Variants in ATP8B2 observed in about 807,000 individuals in gnomAD.
ATP8B2 encodes ATPase phospholipid transporting 8B2.
Under a neutral mutation model 133.4 loss-of-function variants are expected in ATP8B2, and 70 were observed. The observed-to-expected ratio is 0.52, with a 90% CI of 0.43 to 0.64. The LOEUF (loss-of-function observed/expected upper bound fraction) is 0.64, where lower values mean the gene tolerates loss of function less well. ATP8B2 is among the 30% of genes least tolerant of loss of function. The pLI is 0.00. For synonymous variants in ATP8B2, 517 were observed against 589.5 expected (o/e 0.88, Z 1.78); for missense variants, 1,101 against 1,535.7 (o/e 0.72, Z 4.73).
chr1:154,343,508 A>G lies in ATP8B2; in HGVS notation c.1698A>G (p.Leu566=), dbSNP rs1686456366. ...ACTGCAAAGGGGCTGACACTATCCT[A>G]CTGGACAGACTGCACCACTCCACTC... is the stretch of plus-strand genomic sequence containing the variant. ...RLYCKGADTI[L]LDRLHHSTQE... is the part of the protein sequence containing the mutation. The change falls in exon 17 of 28, where the codon CTA becomes CTG. Residue 566 remains leucine (L), a synonymous_variant. Transcript: ENST00000368489. This position sits in a 1 kb window ranked among gnomAD's most constrained non-coding sequence, Gnocchi z 5.8. 6.2e-7 allele frequency: 1 copy of G among 1,613,984 alleles called. No individual in the cohort carries two copies. Among genetic ancestry groups the G allele is most frequent in the Non-Finnish European group, 8.5e-7 (1 of 1,180,002 alleles).
intron 13 of ATP8B2, among the ~76,000 whole-genome samples, chr1:154,342,208 G>C (rs913864512): frequency 6.6e-6 from 1 of 152,000 alleles, no homozygotes; most frequent in Admixed American, 6.6e-5. Context: ...TGCCCTGAGG[G>C]GGGTGCCGCC....
At chr1:154,338,167 G>A (rs987582264) in intron 12 of ATP8B2, among the ~76,000 whole-genome samples, 20 of 152,302 alleles carry the variant, frequency 1.3e-4, no homozygotes, top group African/African-American at 4.1e-4. Flanking sequence ...TGGTGACTGG[G>A]CTGGATGAAG....
Position 154,350,899 on chromosome 1 carries a change from C to T in ATP8B2, c.*1781C>T, listed in dbSNP as rs1031020375. 4 of 150,774 alleles carry T rather than the reference C, an allele frequency of 2.7e-5. No individual in the cohort carries two copies. The East Asian group carries it at 7.8e-4, about 29-fold the overall frequency. The allele number at this position is 150,774 out of a possible 1,614,324, so 9.3% of individuals were successfully genotyped here. On this transcript the variant is annotated 3_prime_UTR_variant, in exon 28 of 28. Transcript: ENST00000368489. ...GGATTTTAAATGTTCCATATGGGAGCCCCAAAGGAACTGGATGGGCTGCAG... is the reference window on the plus strand; with the variant it reads ...GGATTTTAAATGTTCCATATGGGAGTCCCAAAGGAACTGGATGGGCTGCAG...
chr1:154,328,764 G>C lies in ATP8B2; in HGVS notation c.31+592G>C. ...CACTCAGCGCACGCTGGCATCCGCCGGGGGGCATGGGGGGCGGCGGCGGCG... is the reference window on the plus strand; with the variant it reads ...CACTCAGCGCACGCTGGCATCCGCCCGGGGGCATGGGGGGCGGCGGCGGCG... On this transcript the variant is annotated intron_variant, in intron 2 of 27. Coordinates refer to ENST00000368489, the MANE Select transcript of ATP8B2 (RefSeq NM_001370597.1). This position sits in a 1 kb window ranked among gnomAD's most constrained non-coding sequence, Gnocchi z 4.6. The C allele has an allele frequency of 1.0e-6, 1 of 994,944 alleles. No individual in the cohort carries two copies. Among genetic ancestry groups the C allele is most frequent in the Non-Finnish European group, 1.2e-6 (1 of 836,350 alleles). The allele number at this position is 994,944 out of a possible 1,614,324, so 61.6% of individuals were successfully genotyped here.
At chr1:154,327,030 A>G (rs776561058) in intron 1 of ATP8B2, among the ~76,000 whole-genome samples, 5 of 152,316 alleles carry the variant, frequency 3.3e-5, no homozygotes, top group Non-Finnish European at 5.9e-5. Flanking sequence ...GGATTGCCTG[A>G]CTTGGTGTAA....
Position 154,344,908 on chromosome 1 carries a change from G to C in ATP8B2, c.2287-63G>C. 6.4e-7 allele frequency: 1 copy of C among 1,561,190 alleles called. No homozygotes were observed. Among genetic ancestry groups the C allele is most frequent in the Non-Finnish European group, 8.7e-7 (1 of 1,152,222 alleles). The stretch of plus-strand genomic sequence containing the variant: ...AGACTGGTCTCAAAGGGGACTGGGA[G>C]GAGCTGAGACTCCCAGGTGTCTCCT... On this transcript the variant is annotated intron_variant, in intron 21 of 27. Transcript: ENST00000368489. This position sits in a 1 kb window ranked among gnomAD's most constrained non-coding sequence, Gnocchi z 4.1.
rs1331137330 is a variant in ATP8B2 at position 154,345,281 on chromosome 1, G to A, written c.2471-41G>A. The A allele has an allele frequency of 8.1e-6, 13 of 1,608,888 alleles. No homozygotes were observed. The highest frequency in any genetic ancestry group is 5.0e-5 in the Admixed American group (3 of 59,806). On this transcript the variant is annotated intron_variant, in intron 22 of 27. Coordinates refer to ENST00000368489, the MANE Select transcript of ATP8B2 (RefSeq NM_001370597.1). This position sits in a 1 kb window ranked among gnomAD's most constrained non-coding sequence, Gnocchi z 5.6. ...TTGGTAGGCTCTAAAGTGTGTGGCC[G>A]GTGGCCATCTTCACCCTCTTGTCAT...
At position 154,342,423 on chromosome 1, in the gene ATP8B2, T is replaced by C; in HGVS notation, c.1244-57T>C. 5 of 1,561,720 alleles carry C rather than the reference T, an allele frequency of 3.2e-6. No individual in the cohort carries two copies. The East Asian group carries it at 6.7e-5, about 21-fold the overall frequency. ...ATTCTGCATTGGAGATGTTTTTCCATGCTCTGGAGCTCTCTGGCTCTGACA... is the reference window on the plus strand; with the variant it reads ...ATTCTGCATTGGAGATGTTTTTCCACGCTCTGGAGCTCTCTGGCTCTGACA... On this transcript the variant is annotated intron_variant, in intron 13 of 27. Coordinates refer to ENST00000368489, the MANE Select transcript of ATP8B2 (RefSeq NM_001370597.1).
intron 11 of ATP8B2, among the ~76,000 whole-genome samples, chr1:154,336,032 G>A (rs2633438): frequency 0.71 from 103,803 of 146,314 alleles, 37,502 homozygotes; most frequent in East Asian, 0.86. Context: ...ACAGAGCAAG[G>A]CTCCATCTCA....
At position 154,334,167 on chromosome 1, in the gene ATP8B2, G is replaced by A. The variant is rs762200945; in HGVS notation, c.650G>A (p.Trp217Ter). ...KLDKFSGTLY[W>*]KENKFPLSNQ... Reference sequence around the variant, plus strand: ...GACAAATTCAGCGGAACCCTCTACTGGAAGGAAAATAAGTTCCCTCTGAGC... The same window carrying A: ...GACAAATTCAGCGGAACCCTCTACTAGAAGGAAAATAAGTTCCCTCTGAGC... Residue 217 changes from tryptophan (W) to a stop codon, truncating the protein, a stop_gained, in exon 10 of 28, where the codon TGG becomes TAG. Transcript: ENST00000368489. LOFTEE classifies it high-confidence loss of function. The surrounding 1 kb of genome is among the most constrained non-coding windows in gnomAD (Gnocchi z 4.6). The A allele has an allele frequency of 3.7e-5, 59 of 1,614,060 alleles. No homozygotes were observed. Among genetic ancestry groups the A allele is most frequent in the Non-Finnish European group, 4.9e-5 (58 of 1,180,052 alleles).
Position 154,343,847 on chromosome 1 carries a change from T to C in ATP8B2, c.1759-46T>C, listed in dbSNP as rs374211462. On this transcript the variant is annotated intron_variant, in intron 17 of 27. Transcript: ENST00000368489. This position sits in a 1 kb window ranked among gnomAD's most constrained non-coding sequence, Gnocchi z 5.8. ...TCATTGTCGCCCTCACGCTGTCCAT[T>C]AGCTCTCCAGACTTACCCAGGTGTG... 1.9e-4 allele frequency: 293 copies of C among 1,564,672 alleles called. No homozygotes were observed. The highest frequency in any genetic ancestry group is 2.3e-4 in the Non-Finnish European group (263 of 1,155,846).
Position 154,343,563 on chromosome 1 carries a change from C to T in ATP8B2, c.1753C>T (p.Leu585Phe), listed in dbSNP as rs1255886266. The T allele has an allele frequency of 2.5e-6, 4 of 1,613,630 alleles. No homozygotes were observed. The highest frequency in any genetic ancestry group is 3.4e-6 in the Non-Finnish European group (4 of 1,179,660). ...QELLNTTMDH[L>F]NEYAGEGLRT... ...GCTGCTCAACACCACCATGGACCAC[C>T]TTAATGTGGGTGTGAGGAGAGGAGG... is the stretch of plus-strand genomic sequence containing the variant. Residue 585 changes from leucine to phenylalanine, a missense_variant, in exon 17 of 28, where the codon CTT becomes TTT. Leu to Phe is a conservative substitution (Grantham distance 22). Coordinates refer to ENST00000368489, the MANE Select transcript of ATP8B2 (RefSeq NM_001370597.1). This position sits in a 1 kb window ranked among gnomAD's most constrained non-coding sequence, Gnocchi z 5.8.
At chr1:154,336,793 CCT>C (rs1686198728) in intron 11 of ATP8B2, among the ~76,000 whole-genome samples, 1 of 122,356 alleles carries the variant, frequency 8.2e-6, no homozygotes. Flanking sequence ...CTGCACCTGG[CCT>C]TTTTTTTTTT....
At position 154,343,185 on chromosome 1, in the gene ATP8B2, T is replaced by A; in HGVS notation, c.1526T>A (p.Val509Asp). ...LVTAARNFGF[V>D]FRSRTPKTIT... ...ACCGCAGCCAGGAACTTTGGTTTTGTTTTCCGCTCTCGCACCCCCAAAACA... is the reference window on the plus strand; with the variant it reads ...ACCGCAGCCAGGAACTTTGGTTTTGATTTCCGCTCTCGCACCCCCAAAACA... Residue 509 changes from valine (V) to aspartate (D), a missense_variant, in exon 16 of 28, where the codon GTT (valine) becomes GAT (aspartate). By Grantham distance (152) the Val-to-Asp change is radical. Coordinates refer to ENST00000368489, the MANE Select transcript of ATP8B2 (RefSeq NM_001370597.1). The surrounding 1 kb of genome is among the most constrained non-coding windows in gnomAD (Gnocchi z 5.8). 6.2e-7 allele frequency: 1 copy of A among 1,614,098 alleles called. No individual in the cohort carries two copies. Among genetic ancestry groups the A allele is most frequent in the Non-Finnish European group, 8.5e-7 (1 of 1,180,018 alleles).
Position 154,345,070 on chromosome 1 carries a change from C to T in ATP8B2, c.2386C>T (p.Gln796Ter). 6.2e-7 allele frequency: 1 copy of T among 1,614,178 alleles called. No individual in the cohort carries two copies. Among genetic ancestry groups the T allele is most frequent in the Non-Finnish European group, 8.5e-7 (1 of 1,180,026 alleles). ...CCGGGTGACCCCCTTGCAGAAGGCA[C>T]AGGTGGTAGAACTGGTCAAGAAGTA... ...CCRVTPLQKAQVVELVKKYKK... is the reference protein window; with the variant it reads ...CCRVTPLQKA Residue 796 changes from glutamine to a stop codon, truncating the protein, a stop_gained, in exon 22 of 28, where the codon CAG (glutamine) becomes TAG (stop). Coordinates refer to ENST00000368489, the MANE Select transcript of ATP8B2 (RefSeq NM_001370597.1). LOFTEE classifies it high-confidence loss of function. The surrounding 1 kb of genome is among the most constrained non-coding windows in gnomAD (Gnocchi z 5.6).
rs745904972 is a variant in ATP8B2 at position 154,332,665 on chromosome 1, T to C, written c.557T>C (p.Leu186Ser). 6.3e-7 allele frequency: 1 copy of C among 1,585,886 alleles called. No homozygotes were observed. The highest frequency in any genetic ancestry group is 8.6e-7 in the Non-Finnish European group (1 of 1,164,856). Residue 186 changes from leucine (L) to serine (S), a missense_variant, in exon 9 of 28, where the codon TTG becomes TCG. Transcript: ENST00000368489. ...VRQAIPVTSE[L>S]GDISKLAKFD... is the part of the protein sequence containing the mutation. ...CAGGCGATTCCAGTCACCTCAGAAT[T>C]GGGAGACATCAGTAAGCTTGCCAAG...
At position 154,345,233 on chromosome 1, in the gene ATP8B2, A is replaced by G; in HGVS notation, c.2470+79A>G. The G allele has an allele frequency of 6.2e-7, 1 of 1,600,940 alleles. No homozygotes were observed. The highest frequency in any genetic ancestry group is 8.5e-7 in the Non-Finnish European group (1 of 1,171,552). On this transcript the variant is annotated intron_variant, in intron 22 of 27. Transcript: ENST00000368489. This position sits in a 1 kb window ranked among gnomAD's most constrained non-coding sequence, Gnocchi z 5.6. ...CACTGAGGTCTCTGGACTGCAGAAG[A>G]ATGACGGGAAGGGGGTTGTAACTTG... is the stretch of plus-strand genomic sequence containing the variant.
Position 154,349,507 on chromosome 1 carries a change from CTG to C in ATP8B2, c.*391_*392del. 1 of 215,668 alleles carries C rather than the reference CTG, an allele frequency of 4.6e-6. No homozygotes were observed. Among genetic ancestry groups the C allele is most frequent in the East Asian group, 9.8e-5 (1 of 10,240 alleles). The allele number at this position is 215,668 out of a possible 1,614,324, so 13.4% of individuals were successfully genotyped here. Reference sequence around the variant, plus strand: ...ACTCCCCAGAGGGGCCCTAGTGCCTCTGTTCCTGAATTACATAAGAATGTACC... The same window carrying C: ...ACTCCCCAGAGGGGCCCTAGTGCCTCTTCCTGAATTACATAAGAATGTACC... On this transcript the variant is annotated 3_prime_UTR_variant, in exon 28 of 28. Transcript: ENST00000368489.
rs1686003687 is a variant in ATP8B2 at position 154,331,827 on chromosome 1, C to G, written c.439-127C>G. The G allele has an allele frequency of 1.1e-5, 14 of 1,303,938 alleles. No homozygotes were observed. Among genetic ancestry groups the G allele is most frequent in the Admixed American group, 1.8e-5 (1 of 56,708 alleles). 80.8% of individuals were successfully genotyped at this position (1,303,938 alleles called of 1,614,324 possible). A position where few individuals can be genotyped will look rare whatever the true frequency, so the allele number is the denominator to read the frequency against. On this transcript the variant is annotated intron_variant, in intron 7 of 27. Coordinates refer to ENST00000368489, the MANE Select transcript of ATP8B2 (RefSeq NM_001370597.1). The surrounding 1 kb of genome is among the most constrained non-coding windows in gnomAD (Gnocchi z 4.8). ...GGGCTTCTGTGTCATGCTGATATGC[C>G]TGGAACTAGCCATTTATGCACCTGG...
Sources: allele counts gnomAD v4.1 joint callset (sites outside exome capture counted in the v4.1 genomes callset), GRCh38; gene constraint gnomAD v4.1.1; non-coding constraint Gnocchi (gnomAD v3.1); transcripts MANE v1.5; gene names NCBI Gene and HGNC (gene_info 2026-07-23, HGNC 2026-07-21).